Variants in STK33 observed in about 807,000 individuals in gnomAD.
STK33 encodes serine/threonine kinase 33, also known as serine/threonine-protein kinase 33.
A neutral mutation model predicts 58.0 loss-of-function variants in STK33; 52 were observed. That is an observed-to-expected ratio of 0.90 (90% CI 0.72 to 1.13). The LOEUF is 1.13. Among genes scored for constraint, STK33 ranks in the 50% most tolerant of loss-of-function variants. STK33 has a pLI of 0.00. For synonymous variants in STK33, 215 were observed against 200.1 expected (o/e 1.07, Z -0.63); for missense variants, 630 against 604.2 (o/e 1.04, Z -0.45).
At chr11:8,453,428 T>C (rs1184309607) in intron 10 of STK33, among the ~76,000 whole-genome samples, 1 of 152,216 alleles carries the variant, frequency 6.6e-6, no homozygotes, top group East Asian at 1.9e-4. Context: ...TTCTTTACTA[T>C]TGTTTCCTTT....
At chr11:8,522,776 C>T (rs1351879388) in intron 1 of STK33, among the ~76,000 whole-genome samples, 1 of 152,104 alleles carries the variant, frequency 6.6e-6, no homozygotes, top group Non-Finnish European at 1.5e-5. Flanking sequence ...TTCCCTCTTT[C>T]CTCTTTCCTT....
At chr11:8,366,581 G>A in the STK33 span, among the ~76,000 whole-genome samples, 1 of 152,310 alleles carries the variant, frequency 6.6e-6, no homozygotes, top group East Asian at 1.9e-4. Flanking sequence ...TCTCCCCTGG[G>A]TTCCCTTTCC....
intron 1 of STK33, among the ~76,000 whole-genome samples, chr11:8,524,262 C>T (rs1415596794): frequency 6.6e-6 from 1 of 152,066 alleles, no homozygotes; most frequent in Non-Finnish European, 1.5e-5. Flanking sequence ...CACTATTGTC[C>T]TATGACCCTG....
intron 15 of STK33, among the ~76,000 whole-genome samples, chr11:8,411,593 T>C (rs983042514): frequency 6.6e-6 from 1 of 152,208 alleles, no homozygotes; most frequent in African/African-American, 2.4e-5. Context: ...GGAAAGTTCC[T>C]TAGAGGACAT....
chr11:8,526,586 C>A (rs1954045640), intron 1 of STK33, among the ~76,000 whole-genome samples: 1 of 151,932 alleles, frequency 6.6e-6, no homozygotes, highest in South Asian at 2.1e-4. Context: ...TAATTCATAG[C>A]AATAAAAACC....
chr11:8,337,235 C>T, the STK33 span, among the ~76,000 whole-genome samples: 1 of 152,236 alleles, frequency 6.6e-6, no homozygotes, highest in Admixed American at 6.5e-5. Flanking sequence ...CCTCTTCAGA[C>T]TGGGGAAAAG....
At chr11:8,462,402 C>CAT (rs71059165) in intron 7 of STK33, among the ~76,000 whole-genome samples, 57,927 of 145,212 alleles carry the variant, frequency 0.4, 11,834 homozygotes, top group South Asian at 0.57. Flanking sequence ...TATATATATA[C>CAT]ATATATATAC....
intron 1 of STK33, among the ~76,000 whole-genome samples, chr11:8,560,103 C>G (rs914463779): frequency 2.6e-5 from 4 of 151,982 alleles, no homozygotes; most frequent in Admixed American, 2.6e-4. Flanking sequence ...TATGCAATAA[C>G]CTTTTACATA....
At chr11:8,550,080 T>A (rs139301782) in intron 1 of STK33, among the ~76,000 whole-genome samples, 446 of 152,338 alleles carry the variant, frequency 2.9e-3, no homozygotes, top group South Asian at 0.013. Context: ...CAGTGATATA[T>A]CAGCATCTTC....
chr11:8,460,362 G>C (rs1413628979), intron 8 of STK33, among the ~76,000 whole-genome samples: 1 of 151,828 alleles, frequency 6.6e-6, no homozygotes, highest in Non-Finnish European at 1.5e-5. Flanking sequence ...GTGTTAAGTA[G>C]ACACATGGAA....
chr11:8,397,398 G>A (rs1000274567), intron 15 of STK33, among the ~76,000 whole-genome samples: 4 of 152,218 alleles, frequency 2.6e-5, no homozygotes, highest in African/African-American at 7.2e-5. Context: ...TGCAGGTGAG[G>A]GTCCTGACTG....
intron 11 of STK33, among the ~76,000 whole-genome samples, chr11:8,446,503 T>C (rs1038352372): frequency 2.0e-5 from 3 of 152,130 alleles, no homozygotes; most frequent in Non-Finnish European, 4.4e-5. Flanking sequence ...CTTTCTCCTA[T>C]AGCCAAGACA....
At chr11:8,546,221 G>A (rs1955900639) in intron 1 of STK33, among the ~76,000 whole-genome samples, 1 of 152,150 alleles carries the variant, frequency 6.6e-6, no homozygotes, top group East Asian at 1.9e-4. Flanking sequence ...ACTGTACACT[G>A]TGCAAATACT....
At chr11:8,373,795 G>C in the STK33 span, among the ~76,000 whole-genome samples, 79,292 of 151,972 alleles carry the variant, frequency 0.52, 20,705 homozygotes, top group Middle Eastern at 0.57. Context: ...AAAAATGTAA[G>C]TGGGTGGCCT....
intron 3 of STK33, among the ~76,000 whole-genome samples, 190 bp from the exon 4 acceptor site, chr11:8,476,941 G>C (rs1242941786): frequency 6.6e-6 from 1 of 151,992 alleles, no homozygotes; most frequent in African/African-American, 2.4e-5. Context: ...TTTACCCCAG[G>C]TAATGTATAT....
intron 6 of STK33, chr11:8,467,604 T>C (rs1948339069): frequency 6.6e-6 from 1 of 152,336 alleles, no homozygotes; most frequent in African/African-American, 2.4e-5. Flanking sequence ...TTTCCTGTCT[T>C]GTTCTGAGCC....
chr11:8,378,711 T>C, the STK33 span, among the ~76,000 whole-genome samples: 1 of 151,990 alleles, frequency 6.6e-6, no homozygotes, highest in African/African-American at 2.4e-5. Context: ...CCAAACTATA[T>C]CACTGCTGAA....
chr11:8,527,403 T>C (rs1254917200), intron 1 of STK33, among the ~76,000 whole-genome samples: 2 of 152,232 alleles, frequency 1.3e-5, no homozygotes, highest in Non-Finnish European at 2.9e-5. Context: ...CGCTTTGTGA[T>C]AAATCACCAA....
chr11:8,557,629 A>C (rs963605253), intron 1 of STK33, among the ~76,000 whole-genome samples: 7 of 152,148 alleles, frequency 4.6e-5, no homozygotes, highest in Non-Finnish European at 1.5e-5. Context: ...GATGTAAAGA[A>C]GGCAATTATA....
Sources: gnomAD v4.1 joint callset for allele counts (sites outside exome capture counted in the v4.1 genomes callset) on GRCh38, gnomAD v4.1.1 for gene constraint, MANE v1.5 for transcripts, NCBI Gene and HGNC (gene_info 2026-07-23, HGNC 2026-07-21) for gene names.